Variants in KCNH8 observed in about 807,000 individuals in gnomAD.
The protein encoded by KCNH8 is voltage-gated delayed rectifier potassium channel KCNH8.
KCNH8 carries 70 observed loss-of-function variants against 103.6 expected under a neutral mutation model. The observed-to-expected ratio is 0.68, with a 90% confidence interval of 0.56 to 0.82. The LOEUF (loss-of-function observed/expected upper bound fraction) is 0.82, where lower values mean the gene tolerates loss of function less well. Among genes scored for constraint, KCNH8 ranks in the 40% least tolerant of loss-of-function variants. The pLI, the probability that KCNH8 is intolerant of heterozygous loss-of-function variation, is 0.00. For synonymous variants in KCNH8, 498 were observed against 489.4 expected (o/e 1.02, Z -0.23); for missense variants, 1,217 against 1,329.9 (o/e 0.92, Z 1.32).
intron 1 of KCNH8, among the ~76,000 whole-genome samples, chr3:19,211,642 C>T (rs966836805): frequency 6.6e-6 from 1 of 152,154 alleles, no homozygotes; most frequent in Non-Finnish European, 1.5e-5. Flanking sequence ...TGCTAGCTAG[C>T]CAGTTCCTCT....
chr3:19,328,184 T>A (rs1022476969), intron 3 of KCNH8, among the ~76,000 whole-genome samples: 1 of 152,208 alleles, frequency 6.6e-6, no homozygotes. Context: ...ATTACTGTTC[T>A]CTTATGCTGG....
chr3:19,170,765 CATAT>C (rs1322764924), intron 1 of KCNH8, among the ~76,000 whole-genome samples: 1 of 113,820 alleles, frequency 8.8e-6, no homozygotes, highest in Non-Finnish European at 1.8e-5. Flanking sequence ...TATATACACA[CATAT>C]ATATACACAC....
chr3:19,152,273 AAT>A (rs1488732790), intron 1 of KCNH8, among the ~76,000 whole-genome samples: 1 of 152,204 alleles, frequency 6.6e-6, no homozygotes, highest in Non-Finnish European at 1.5e-5. Context: ...TATTTGAAAA[AAT>A]ATATACCAAT....
intron 11 of KCNH8, among the ~76,000 whole-genome samples, chr3:19,467,394 G>C (rs2125198417): frequency 6.6e-6 from 1 of 152,140 alleles, no homozygotes; most frequent in East Asian, 1.9e-4. Flanking sequence ...ATCATTAACA[G>C]CTGCCATTTC....
intron 1 of KCNH8, among the ~76,000 whole-genome samples, chr3:19,220,748 T>A (rs1435831659): frequency 6.6e-6 from 1 of 151,964 alleles, no homozygotes; most frequent in Non-Finnish European, 1.5e-5. Context: ...TGGCCATCCA[T>A]CATATACTCC....
intron 5 of KCNH8, among the ~76,000 whole-genome samples, chr3:19,348,904 T>TG (rs1405933871): frequency 2.6e-5 from 4 of 151,764 alleles, no homozygotes; most frequent in East Asian, 1.9e-4. Flanking sequence ...AGTTGTTTTT[T>TG]TGTGTGTTTT....
chr3:19,444,275 A>T (rs534462243), intron 8 of KCNH8, among the ~76,000 whole-genome samples: 1 of 152,190 alleles, frequency 6.6e-6, no homozygotes, highest in South Asian at 2.1e-4. Context: ...TACTTTCAGT[A>T]AATGTTGTTG....
intron 1 of KCNH8, among the ~76,000 whole-genome samples, chr3:19,231,546 A>G (rs1352666052): frequency 6.6e-6 from 1 of 152,166 alleles, no homozygotes; most frequent in Non-Finnish European, 1.5e-5. Context: ...AAAAAGAGAG[A>G]TGGCATCTTT....
intron 2 of KCNH8, among the ~76,000 whole-genome samples, chr3:19,254,445 T>C (rs972829942): frequency 6.6e-5 from 10 of 152,130 alleles, no homozygotes; most frequent in Non-Finnish European, 1.5e-4. Context: ...TAGCATCTCA[T>C]GTTAGAGTAA....
chr3:19,491,162 AGT>A (rs1472663937), intron 11 of KCNH8, among the ~76,000 whole-genome samples: 1 of 151,914 alleles, frequency 6.6e-6, no homozygotes, highest in African/African-American at 2.4e-5. Context: ...TATATGTGTG[AGT>A]GTGTGTGTGA....
chr3:19,255,218 C>T (rs922619241), intron 2 of KCNH8, among the ~76,000 whole-genome samples: 8 of 152,114 alleles, frequency 5.3e-5, no homozygotes, highest in Admixed American at 2.0e-4. Flanking sequence ...CTGTCAGCAC[C>T]GTGATCTTAG....
rs1308293548 is a variant in KCNH8, at chr3:19,433,516, C to T, written c.1178-4648C>T. 3.3e-5 allele frequency among the ~76,000 whole-genome samples: 5 copies of T among 152,310 alleles called. No homozygotes were observed. In the East Asian group the frequency reaches 9.6e-4, roughly 29 times the overall value. ...GAACCTAGAGATTATTCAATCCAATCACTTCATATTTAAGTTTAAAAAACT... is the reference window on the plus strand; with the variant it reads ...GAACCTAGAGATTATTCAATCCAATTACTTCATATTTAAGTTTAAAAAACT... On this transcript the variant is annotated intron_variant, in intron 7 of 15. Coordinates refer to ENST00000328405, the MANE Select transcript of KCNH8 (RefSeq NM_144633.3).
At chr3:19,425,981 G>A (rs1334130591) in intron 7 of KCNH8, among the ~76,000 whole-genome samples, 1 of 151,976 alleles carries the variant, frequency 6.6e-6, no homozygotes, top group African/African-American at 2.4e-5. Context: ...AGCAACAGAG[G>A]CAGATTTGGA....
chr3:19,355,011 C>T (rs193002865), intron 5 of KCNH8, among the ~76,000 whole-genome samples: 3 of 152,258 alleles, frequency 2.0e-5, no homozygotes, highest in Admixed American at 2.0e-4. Context: ...CCAGAATCTA[C>T]AAGAAACTCA....
intron 11 of KCNH8, among the ~76,000 whole-genome samples, chr3:19,486,425 C>G (rs755447079): frequency 8.5e-5 from 13 of 152,154 alleles, no homozygotes; most frequent in Non-Finnish European, 8.8e-5. Flanking sequence ...CAGCTTTTGC[C>G]CAAGGGTTAG....
chr3:19,234,287 C>T (rs2064032856), intron 1 of KCNH8, among the ~76,000 whole-genome samples: 1 of 152,188 alleles, frequency 6.6e-6, no homozygotes, highest in Admixed American at 6.5e-5. Context: ...TGGGCCGGCA[C>T]TCCTCAGGCC....
intron 1 of KCNH8, among the ~76,000 whole-genome samples, chr3:19,188,508 A>T (rs74687499): frequency 0.023 from 3,543 of 152,150 alleles, 61 homozygotes; most frequent in Middle Eastern, 0.082. Context: ...AGAGGGCCTT[A>T]GTTTGCTAAC....
chr3:19,249,105 T>C (rs1408287161), intron 1 of KCNH8, among the ~76,000 whole-genome samples: 2 of 152,256 alleles, frequency 1.3e-5, no homozygotes, highest in African/African-American at 4.8e-5. Context: ...ATATTGCATA[T>C]GCATAATTGA....
At chr3:19,449,228 G>A (rs969352568) in intron 8 of KCNH8, among the ~76,000 whole-genome samples, 18 of 151,090 alleles carry the variant, frequency 1.2e-4, no homozygotes, top group African/African-American at 4.4e-4. Flanking sequence ...CAAAGGGCAG[G>A]CTTAGCAAGA....
Sources: gnomAD v4.1 joint callset for allele counts (sites outside exome capture counted in the v4.1 genomes callset) on GRCh38, gnomAD v4.1.1 for gene constraint, MANE v1.5 for transcripts, NCBI Gene and HGNC (gene_info 2026-07-23, HGNC 2026-07-21) for gene names.